CALD1: variants seen among roughly 807,000 people sequenced by gnomAD.
CALD1 encodes the protein caldesmon 1, also known as caldesmon.
CALD1 carries 33 observed loss-of-function variants against 99.9 expected under a neutral mutation model. That is an observed-to-expected ratio of 0.33 (90% CI 0.25 to 0.44). The LOEUF is 0.44. CALD1 is among the 20% of genes least tolerant of loss of function. CALD1 has a pLI of 1.00. For missense variants in CALD1, 861 were observed against 962.1 expected (o/e 0.89, Z 1.39); for synonymous variants, 310 against 325.0 (o/e 0.95, Z 0.50).
At chr7:134,957,948 A>G (rs1237012037) in intron 9 of CALD1, 121 bp from the exon 10 acceptor site, 3 of 726,698 alleles carry the variant, frequency 4.1e-6, no homozygotes, top group African/African-American at 3.5e-5. Flanking sequence ...CAGTAACTCA[A>G]ATACCCTTAT....
chr7:134,958,887 A>ATATATATATATATATATTTAAC (rs1808012452), intron 11 of CALD1, among the ~76,000 whole-genome samples: 3 of 96,256 alleles, frequency 3.1e-5, no homozygotes, highest in Admixed American at 1.5e-4. Context: ...ATATATATAT[A>ATATATATATATATATATTTAAC]TATATATATA....
At chr7:134,836,143 CAAAAAAAAAA>C (rs377048601) in intron 1 of CALD1, among the ~76,000 whole-genome samples, 2 of 68,566 alleles carry the variant, frequency 2.9e-5, no homozygotes, top group East Asian at 4.0e-4. Context: ...GACTTCATCT[CAAAAAAAAAA>C]AAAAAAAAAA....
intron 1 of CALD1, among the ~76,000 whole-genome samples, chr7:134,750,102 G>C (rs1014136085): frequency 2.1e-4 from 27 of 127,600 alleles, no homozygotes; most frequent in African/African-American, 7.3e-4. Flanking sequence ...GGTTGATATG[G>C]CAAGTGTTAA....
upstream of CALD1, chr7:134,779,369 C>T (rs970278672): frequency 3.5e-5 from 10 of 289,018 alleles, no homozygotes; most frequent in East Asian, 5.8e-4. Flanking sequence ...CTGGTTTTGG[C>T]AGCGTGCACG....
intron 1 of CALD1, among the ~76,000 whole-genome samples, chr7:134,799,769 G>A (rs548841495): frequency 4.6e-5 from 7 of 152,266 alleles, no homozygotes; most frequent in African/African-American, 1.4e-4. Context: ...AAAAGACTTG[G>A]TAGAAAATAC....
intron 3 of CALD1, among the ~76,000 whole-genome samples, chr7:134,891,103 A>T (rs181217200): frequency 5.9e-5 from 9 of 152,252 alleles, no homozygotes; most frequent in African/African-American, 2.2e-4. Context: ...ATCTTGTCAG[A>T]ATTAGGTTGT....
chr7:134,949,910 A>C (rs1807202800), intron 8 of CALD1, among the ~76,000 whole-genome samples: 1 of 150,540 alleles, frequency 6.6e-6, no homozygotes. Flanking sequence ...GATGAGCCAA[A>C]AAAAAAAAAA....
At chr7:134,721,462 C>A in the CALD1 span, among the ~76,000 whole-genome samples, 1 of 151,804 alleles carries the variant, frequency 6.6e-6, no homozygotes, top group Non-Finnish European at 1.5e-5. Flanking sequence ...ACTTAGAATT[C>A]CTGGGTTTCT....
intron 2 of CALD1, among the ~76,000 whole-genome samples, chr7:134,867,229 C>A (rs1307894992): frequency 6.6e-6 from 1 of 152,184 alleles, no homozygotes; most frequent in Non-Finnish European, 1.5e-5. Context: ...TATGCCTAGA[C>A]ACTGTATTAT....
chr7:134,854,550 TCA>T (rs145170322), intron 2 of CALD1, among the ~76,000 whole-genome samples: 4,404 of 152,252 alleles, frequency 0.029, 96 homozygotes, highest in Non-Finnish European at 0.041. Context: ...AATGACACAC[TCA>T]CATTCATTTG....
chr7:134,863,933 A>T (rs1400430972), intron 2 of CALD1, among the ~76,000 whole-genome samples: 1 of 152,240 alleles, frequency 6.6e-6, no homozygotes, highest in Admixed American at 6.5e-5. Flanking sequence ...GAGAAAAAAA[A>T]GCAAGGAGGA....
At chr7:134,913,373 C>T (rs955581256) in intron 3 of CALD1, among the ~76,000 whole-genome samples, 4 of 152,092 alleles carry the variant, frequency 2.6e-5, no homozygotes, top group African/African-American at 9.7e-5. Context: ...TGCATTCAGC[C>T]AAGATGTTTC....
At chr7:134,747,260 G>T (rs906242600) in intron 1 of CALD1, among the ~76,000 whole-genome samples, 2 of 152,204 alleles carry the variant, frequency 1.3e-5, no homozygotes, top group Non-Finnish European at 2.9e-5. Context: ...AAGCAAGCCA[G>T]AAGAGTGAGA....
chr7:134,853,113 C>T (rs572167467), intron 2 of CALD1, among the ~76,000 whole-genome samples: 5 of 152,270 alleles, frequency 3.3e-5, no homozygotes, highest in Admixed American at 6.5e-5. Flanking sequence ...AATGTCTTAA[C>T]GTGGATTCCC....
intron 2 of CALD1, among the ~76,000 whole-genome samples, chr7:134,844,977 A>G (rs770204418): frequency 3.3e-5 from 5 of 152,214 alleles, no homozygotes; most frequent in Non-Finnish European, 5.9e-5. Flanking sequence ...TAGGATTTCA[A>G]CGTATGAATT....
At chr7:134,827,615 C>A (rs954578869) in intron 1 of CALD1, among the ~76,000 whole-genome samples, 1 of 152,212 alleles carries the variant, frequency 6.6e-6, no homozygotes, top group Non-Finnish European at 1.5e-5. Flanking sequence ...GGCCAGATGA[C>A]AACGGCAATG....
intron 6 of CALD1, among the ~76,000 whole-genome samples, chr7:134,938,106 A>T (rs1460814158): frequency 6.6e-6 from 1 of 152,188 alleles, no homozygotes; most frequent in Non-Finnish European, 1.5e-5. Flanking sequence ...CATGAGGTCC[A>T]TGTTGTCCGT....
chr7:134,947,681 A>G lies in CALD1; in HGVS notation c.1706A>G (p.Lys569Arg). The change falls in exon 8 of 15, where the codon AAG becomes AGG. Residue 569 changes from lysine to arginine, a missense_variant. By Grantham distance (26) the Lys-to-Arg change is conservative. Around this residue, in one of 5 missense-constraint regions of CALD1, gnomAD observed 293 missense variants for 262.7 expected, o/e 1.12. Transcript: ENST00000361675. ...QEAALELEEL[K>R]KKREERRKVL... ...GCGGCTTTGGAGCTGGAGGAACTCA[A>G]GAAAAAGAGGGAGGAGAGAAGGAAG... 1 of 1,603,698 alleles carries G rather than the reference A, an allele frequency of 6.2e-7. No homozygotes were observed. The highest frequency in any genetic ancestry group is 8.5e-7 in the Non-Finnish European group (1 of 1,174,494).
intron 1 of CALD1, among the ~76,000 whole-genome samples, chr7:134,831,622 G>A (rs1234703268): frequency 6.6e-6 from 1 of 151,978 alleles, no homozygotes; most frequent in Non-Finnish European, 1.5e-5. Flanking sequence ...CCCGGTCTCT[G>A]CATAATTTCT....
Sources: allele counts gnomAD v4.1 joint callset (sites outside exome capture counted in the v4.1 genomes callset), GRCh38; gene constraint gnomAD v4.1.1; regional missense constraint gnomAD v4.1.1; transcripts MANE v1.5; gene names NCBI Gene and HGNC (gene_info 2026-07-23, HGNC 2026-07-21).